MAPRE2: variants seen among roughly 807,000 people sequenced by gnomAD.
MAPRE2 encodes the protein microtubule associated protein RP/EB family member 2, also known as microtubule-associated protein RP/EB family member 2.
In MAPRE2, 13 loss-of-function variants were observed where a neutral mutation model predicts 43.2. The observed-to-expected ratio is 0.30, with a 90% CI of 0.20 to 0.48. The LOEUF is 0.48. Ranked by LOEUF, MAPRE2 falls within the 20% of genes least tolerant of loss-of-function variation. The pLI is 0.99. For synonymous variants in MAPRE2, 135 were observed against 148.8 expected (o/e 0.91, Z 0.68); for missense variants, 161 against 400.2 (o/e 0.40, Z 5.10).
chr18:35,130,620 TA>T (rs1489960265), intron 5 of MAPRE2, among the ~76,000 whole-genome samples: 3 of 152,158 alleles, frequency 2.0e-5, no homozygotes, highest in East Asian at 1.9e-4. Flanking sequence ...GAAATTCTAT[TA>T]GGGGTGATTT....
At chr18:35,096,092 T>A (rs912041781) in intron 2 of MAPRE2, among the ~76,000 whole-genome samples, 3 of 152,164 alleles carry the variant, frequency 2.0e-5, no homozygotes, top group Admixed American at 6.6e-5. Flanking sequence ...TTATCTCAGA[T>A]TGCTGTCTCA....
chr18:35,058,706 T>C (rs142053064), intron 1 of MAPRE2, among the ~76,000 whole-genome samples: 31 of 152,308 alleles, frequency 2.0e-4, no homozygotes, highest in Non-Finnish European at 3.5e-4. Context: ...ATCTCTACAT[T>C]TTGAGCTTTT....
At chr18:35,116,296 G>T (rs1039721216) in intron 4 of MAPRE2, among the ~76,000 whole-genome samples, 3 of 152,200 alleles carry the variant, frequency 2.0e-5, no homozygotes, top group Non-Finnish European at 4.4e-5. Context: ...TCAGTAAAGT[G>T]CATGTTGTTC....
At chr18:35,005,668 G>C in intron 2 of MAPRE2, 1 of 540,282 alleles carries the variant, frequency 1.9e-6, no homozygotes, top group Non-Finnish European at 3.2e-6. Context: ...CACAATTAAA[G>C]CCGATATTTG....
intron 2 of MAPRE2, among the ~76,000 whole-genome samples, chr18:35,020,290 G>A (rs780200760): frequency 6.6e-5 from 10 of 152,088 alleles, no homozygotes; most frequent in Non-Finnish European, 1.2e-4. Flanking sequence ...TTATTCTCCA[G>A]CTGGACTCTA....
At chr18:35,044,947 G>T (rs578082088) in intron 1 of MAPRE2, among the ~76,000 whole-genome samples, 2 of 152,280 alleles carry the variant, frequency 1.3e-5, no homozygotes, top group South Asian at 4.2e-4. Context: ...GAACAGAGTG[G>T]GTGGCAGCTC....
rs374448846 is a variant in MAPRE2 at position 35,022,537 on chromosome 18, A to G, written c.-8+16984A>G. Among the ~76,000 whole-genome samples the G allele has an allele frequency of 1.1e-4, 16 of 152,312 alleles. 1 individual carries two copies. Among genetic ancestry groups the G allele is most frequent in the Admixed American group, 4.6e-4 (7 of 15,296 alleles). On this transcript the variant is annotated intron_variant, in intron 2 of 7. Coordinates refer to the MAPRE2 transcript ENST00000413393. ...AATAAATGGCATGTGAAAAAAATCC[A>G]TTTGACTTTGATGTTTTCATTGGAA...
At chr18:35,055,545 G>GTGTT (rs1906176242) in intron 1 of MAPRE2, among the ~76,000 whole-genome samples, 1 of 148,156 alleles carries the variant, frequency 6.7e-6, no homozygotes, top group African/African-American at 2.6e-5. Flanking sequence ...CTCTGTGTGT[G>GTGTT]TGTGTGTGTG....
chr18:35,072,016 C>T (rs1383710881), intron 2 of MAPRE2, among the ~76,000 whole-genome samples: 1 of 152,170 alleles, frequency 6.6e-6, no homozygotes, highest in East Asian at 1.9e-4. Flanking sequence ...ATGTACCAGG[C>T]ATGTATATTG....
At chr18:35,124,907 T>TC (rs1909840984) in intron 4 of MAPRE2, among the ~76,000 whole-genome samples, 1 of 152,090 alleles carries the variant, frequency 6.6e-6, no homozygotes, top group African/African-American at 2.4e-5. Flanking sequence ...GAAGTAGTGT[T>TC]CCAGGAGTGT....
intron 1 of MAPRE2, among the ~76,000 whole-genome samples, chr18:35,050,438 G>A (rs767008632): frequency 2.6e-5 from 4 of 152,082 alleles, no homozygotes; most frequent in Non-Finnish European, 5.9e-5. Context: ...GCCCTTTGAG[G>A]TTTCACACAT....
intron 2 of MAPRE2, chr18:35,082,251 C>T (rs1168058637): frequency 4.4e-5 from 3 of 68,596 alleles, no homozygotes; most frequent in Non-Finnish European, 6.6e-5. Flanking sequence ...GATTGCGCCA[C>T]TGCACTCCAG....
intron 2 of MAPRE2, among the ~76,000 whole-genome samples, chr18:35,085,286 G>A (rs529900672): frequency 6.6e-6 from 1 of 152,294 alleles, no homozygotes; most frequent in East Asian, 1.9e-4. Context: ...TTCAACACGA[G>A]GTTTGGGCTT....
intron 1 of MAPRE2, chr18:34,988,661 A>C (rs2097022250): frequency 6.6e-6 from 1 of 152,158 alleles, no homozygotes; most frequent in Non-Finnish European, 1.5e-5. Context: ...GGTGATCTAC[A>C]CACTGGGAAT....
intron 4 of MAPRE2, among the ~76,000 whole-genome samples, chr18:35,119,967 CTG>C (rs1204031920): frequency 6.6e-6 from 1 of 152,212 alleles, no homozygotes; most frequent in Non-Finnish European, 1.5e-5. Context: ...TGAGCACATG[CTG>C]TGTGCCAGAC....
Position 35,082,147 on chromosome 18 carries a change from G to A in MAPRE2, c.250+11825G>A, listed in dbSNP as rs1907667972. 2 of 113,692 alleles carry A rather than the reference G, an allele frequency of 1.8e-5. 1 individual carries two copies. The highest frequency in any genetic ancestry group is 1.1e-4 in the African/African-American group (2 of 17,418). 7.0% of individuals were successfully genotyped at this position (113,692 alleles called of 1,614,324 possible). A position where few individuals can be genotyped will look rare whatever the true frequency, so the allele number is the denominator to read the frequency against. ...CTACTAAAAATACAAAAAATTAGCC[G>A]GGCGTAGTGGCGGGCGCCTGTAGTC... On this transcript the variant is annotated intron_variant, in intron 2 of 6. Transcript: ENST00000300249.
intron 4 of MAPRE2, among the ~76,000 whole-genome samples, chr18:35,105,436 A>G (rs139474237): frequency 6.6e-6 from 1 of 152,046 alleles, no homozygotes; most frequent in African/African-American, 2.4e-5. Flanking sequence ...GGTATATCAC[A>G]TATAGAGTGT....
rs1379153557 is a variant in MAPRE2 at position 35,143,374 on chromosome 18, C to T, written c.*3005C>T. On this transcript the variant is annotated 3_prime_UTR_variant, in exon 7 of 7. Coordinates refer to ENST00000300249, the MANE Select transcript of MAPRE2 (RefSeq NM_014268.4). ...TCATTTTACATTACCCACCTATTGT[C>T]GCATGGTAGAATAGTTTTTTGTCTC... 6.6e-6 allele frequency: 1 copy of T among 151,912 alleles called. No individual in the cohort carries two copies. Among genetic ancestry groups the T allele is most frequent in the African/African-American group, 2.4e-5 (1 of 41,356 alleles). The allele number at this position is 151,912 out of a possible 1,614,324, so 9.4% of individuals were successfully genotyped here.
rs73412745 is a variant in MAPRE2, at chr18:35,080,212, A to G, written c.250+9890A>G. On this transcript the variant is annotated intron_variant, in intron 2 of 6. Coordinates refer to ENST00000300249, the MANE Select transcript of MAPRE2 (RefSeq NM_014268.4). ...TTTTGAGGAAAGTTACCATTTAGAT[A>G]TCATTTTGATATTCTACACATTGCT... 1.2e-3 allele frequency among the ~76,000 whole-genome samples: 182 copies of G among 152,356 alleles called. 1 individual carries two copies. The highest frequency in any genetic ancestry group is 4.2e-3 in the African/African-American group (176 of 41,592).
Sources: gnomAD v4.1 joint callset for allele counts (sites outside exome capture counted in the v4.1 genomes callset) on GRCh38, gnomAD v4.1.1 for gene constraint, MANE v1.5 for transcripts, NCBI Gene and HGNC (gene_info 2026-07-23, HGNC 2026-07-21) for gene names.